Variants in SIGLEC7 observed in about 807,000 individuals in gnomAD.
The protein encoded by SIGLEC7 is sialic acid binding Ig like lectin 7.
Under a neutral mutation model 40.8 loss-of-function variants are expected in SIGLEC7, and 33 were observed. That is an observed-to-expected ratio of 0.81 (90% CI 0.61 to 1.08). SIGLEC7 has a LOEUF of 1.08. SIGLEC7 is among the 50% of genes least tolerant of loss of function. SIGLEC7 has a pLI of 0.00. For missense variants in SIGLEC7, 513 were observed against 576.1 expected (o/e 0.89, Z 1.12); for synonymous variants, 242 against 237.6 (o/e 1.02, Z -0.17).
At chr19:51,147,818 T>A (rs868655759) in intron 6 of SIGLEC7, among the ~76,000 whole-genome samples, 2 of 152,144 alleles carry the variant, frequency 1.3e-5, no homozygotes, top group Middle Eastern at 3.2e-3. Flanking sequence ...GAAAATACTA[T>A]CTGGAAAGGC....
chr19:51,144,026 G>T, intron 1 of SIGLEC7: 1 of 540,000 alleles, frequency 1.9e-6, no homozygotes, highest in Non-Finnish European at 3.6e-6. Context: ...CATCCCAAAT[G>T]GAAAAGTGCA....
intron 6 of SIGLEC7, among the ~76,000 whole-genome samples, chr19:51,151,830 T>C (rs549635661): frequency 4.6e-5 from 7 of 152,100 alleles, no homozygotes; most frequent in Non-Finnish European, 1.0e-4. Context: ...GAATATTAAT[T>C]TGAGTAATCA....
At chr19:51,143,737 A>T in intron 1 of SIGLEC7, 1 of 235,170 alleles carries the variant, frequency 4.3e-6, no homozygotes. Context: ...GAGCCCAGGA[A>T]CCCTCTGTCT....
Position 51,144,603 on chromosome 19 carries a change from C to G in SIGLEC7, c.631C>G (p.His211Asp). 6.2e-7 allele frequency: 1 copy of G among 1,613,976 alleles called. No homozygotes were observed. Residue 211 changes from histidine (H) to aspartate (D), a missense_variant, in exon 2 of 7, where the codon CAC (histidine) becomes GAC (aspartate). Physicochemically the swap from His to Asp is moderately conservative, Grantham distance 81. Coordinates refer to ENST00000317643, the MANE Select transcript of SIGLEC7 (RefSeq NM_014385.4). ...VLTLIPQPQH[H>D]GTSLTCQVTL... ...CACCCTCATCCCACAGCCCCAGCAC[C>G]ACGGCACCAGCCTCACCTGTCAGGT...
chr19:51,147,348 A>C, intron 6 of SIGLEC7, 31 bp downstream of exon 6: 1 of 1,567,508 alleles, frequency 6.4e-7, no homozygotes, highest in South Asian at 1.1e-5. Flanking sequence ...CACACCCAGC[A>C]TCCAGCTGGG....
chr19:51,153,021 T>G lies in SIGLEC7; in HGVS notation c.1222-42T>G, dbSNP rs554481911. On this transcript the variant is annotated intron_variant, in intron 6 of 6. Coordinates refer to ENST00000317643, the MANE Select transcript of SIGLEC7 (RefSeq NM_014385.4). ...TGTGACTCTCCCTGCCTTATCCTAT[T>G]TCCACTGCTCTGCTCTGACTCTCTT... The G allele has an allele frequency of 2.3e-5, 33 of 1,429,970 alleles. No homozygotes were observed. In the South Asian group the frequency reaches 5.3e-4, roughly 23 times the overall value. The allele number at this position is 1,429,970 out of a possible 1,614,324, so 88.6% of individuals were successfully genotyped here.
chr19:51,147,534 C>G (rs146503789), intron 6 of SIGLEC7, among the ~76,000 whole-genome samples: 6 of 152,248 alleles, frequency 3.9e-5, no homozygotes, highest in African/African-American at 1.4e-4. Context: ...GAGGAGTTAT[C>G]TCCTCTCTGT....
intron 1 of SIGLEC7, 144 bp from the exon 2 acceptor site, chr19:51,144,262 C>G (rs273677): frequency 1 from 1,362,956 of 1,363,370 alleles, 681,273 homozygotes; most frequent in Middle Eastern, 1. Flanking sequence ...GCAGCGAAAG[C>G]CTGGGATGGG....
Position 51,142,870 on chromosome 19 carries a change from G to A in SIGLEC7, c.433+68G>A. On this transcript the variant is annotated intron_variant, in intron 1 of 6. Transcript: ENST00000317643. The surrounding 1 kb of genome is among the most constrained non-coding windows in gnomAD (Gnocchi z 5.0). ...AGGGCTTTAGGGCACGGCTGAGACG[G>A]GACACATGTCCTGGGAGGGGGCCGG... is the stretch of plus-strand genomic sequence containing the variant. The A allele has an allele frequency of 6.8e-7, 1 of 1,477,020 alleles. No individual in the cohort carries two copies. 91.5% of individuals were successfully genotyped at this position (1,477,020 alleles called of 1,614,324 possible).
chr19:51,143,763 C>T (rs2092086868), intron 1 of SIGLEC7: 2 of 261,656 alleles, frequency 7.6e-6, no homozygotes, highest in Non-Finnish European at 1.5e-5. Context: ...ATGCTGCTGC[C>T]TCTCTTGTGG....
rs1235577053 is a variant in SIGLEC7, at chr19:51,142,318, A to G, written c.-52A>G. On this transcript the variant is annotated 5_prime_UTR_variant, in exon 1 of 7. Coordinates refer to ENST00000317643, the MANE Select transcript of SIGLEC7 (RefSeq NM_014385.4). The surrounding 1 kb of genome is among the most constrained non-coding windows in gnomAD (Gnocchi z 5.0). ...TTGAGCCCGCAGTTCCTGAGAGAAG[A>G]ACCCTGAGGAACAGACGTTCCCTCG... The G allele has an allele frequency of 3.8e-6, 6 of 1,582,096 alleles. No homozygotes were observed. Among genetic ancestry groups the G allele is most frequent in the African/African-American group, 2.7e-5 (2 of 74,534 alleles).
chr19:51,145,648 T>C lies in SIGLEC7; in HGVS notation c.761-207T>C, dbSNP rs1240094430. On this transcript the variant is annotated intron_variant, in intron 3 of 6. Transcript: ENST00000317643. This position sits in a 1 kb window ranked among gnomAD's most constrained non-coding sequence, Gnocchi z 4.3. ...CTAAAAGCACATTTTACCAGTGTCA[T>C]ATGTTCTTTCTGATTTTGAAAGATA... Among the ~76,000 whole-genome samples, 1 of 152,240 alleles carries C rather than the reference T, an allele frequency of 6.6e-6. No homozygotes were observed. Among genetic ancestry groups the C allele is most frequent in the African/African-American group, 2.4e-5 (1 of 41,462 alleles).
At chr19:51,146,247 C>T (rs1026125239) in intron 4 of SIGLEC7, 126 bp downstream of exon 4, 6 of 1,285,780 alleles carry the variant, frequency 4.7e-6, no homozygotes, top group Non-Finnish European at 6.5e-6. Context: ...CTGGAACTTC[C>T]CTGCAACCCA....
intron 2 of SIGLEC7, 42 bp downstream of exon 2, chr19:51,144,726 G>C (rs1405418040): frequency 1.2e-6 from 2 of 1,600,498 alleles, no homozygotes; most frequent in African/African-American, 2.7e-5. Flanking sequence ...GATGAGGGGG[G>C]GACGTCCCTG....
chr19:51,152,527 GC>G (rs36055071), intron 6 of SIGLEC7, among the ~76,000 whole-genome samples: 1 of 152,124 alleles, frequency 6.6e-6, no homozygotes, highest in East Asian at 1.9e-4. Context: ...CCAAATCAAG[GC>G]CCTGTAATTC....
At chr19:51,148,602 G>C (rs2092124247) in intron 6 of SIGLEC7, among the ~76,000 whole-genome samples, 1 of 152,104 alleles carries the variant, frequency 6.6e-6, no homozygotes, top group Non-Finnish European at 1.5e-5. Flanking sequence ...TGGGCATTTA[G>C]GTTAATTTCA....
rs1203067472 is a variant in SIGLEC7 at position 51,146,001 on chromosome 19, C to T, written c.907C>T (p.Pro303Ser). 3 of 1,614,206 alleles carry T rather than the reference C, an allele frequency of 1.9e-6. No individual in the cohort carries two copies. The highest frequency in any genetic ancestry group is 1.3e-5 in the African/African-American group (1 of 75,032). The change falls in exon 4 of 7, where the codon CCT becomes TCT. Residue 303 changes from proline to serine, a missense_variant. Physicochemically the swap from Pro to Ser is moderately conservative, Grantham distance 74 (BLOSUM62 -1). Coordinates refer to ENST00000317643, the MANE Select transcript of SIGLEC7 (RefSeq NM_014385.4). ...LTLYPSQPSN[P>S]LVLELQVHLG... ...CCTGTACCCCTCACAGCCCTCAAAC[C>T]CTCTGGTACTGGAGCTGCAAGTGCA...
In SIGLEC7 at chr19:51,146,000, C is replaced by T. The variant is rs201813410; in HGVS notation, c.906C>T (p.Asn302=). Residue 302 remains asparagine (N), a synonymous_variant, in exon 4 of 7, where the codon AAC becomes AAT. Transcript: ENST00000317643. This position sits in a 1 kb window ranked among gnomAD's most constrained non-coding sequence, Gnocchi z 4.3. ...CCCTGTACCCCTCACAGCCCTCAAACCCTCTGGTACTGGAGCTGCAAGTGC... is the reference window on the plus strand; with the variant it reads ...CCCTGTACCCCTCACAGCCCTCAAATCCTCTGGTACTGGAGCTGCAAGTGC... ...SLTLYPSQPS[N]PLVLELQVHL... The T allele has an allele frequency of 1.1e-4, 182 of 1,614,222 alleles. No homozygotes were observed. In the Admixed American group the frequency reaches 2.4e-3, roughly 21 times the overall value.
At position 51,147,267 on chromosome 19, in the gene SIGLEC7, G is replaced by C; in HGVS notation, c.1171G>C (p.Gly391Arg). 6.2e-7 allele frequency: 1 copy of C among 1,612,676 alleles called. No individual in the cohort carries two copies. The highest frequency in any genetic ancestry group is 8.5e-7 in the Non-Finnish European group (1 of 1,179,118). Residue 391 changes from glycine (G) to arginine (R), a missense_variant, in exon 6 of 7, where the codon GGA becomes CGA. Gly to Arg is a moderately radical substitution (Grantham distance 125). Transcript: ENST00000317643. ...ATCGGCAAGGCCAGCAGCGGACGTG[G>C]GAGACATAGGCATGAAGGATGCAAA... ...KKSARPAADV[G>R]DIGMKDANTI...
Sources: gnomAD v4.1 joint callset for allele counts (sites outside exome capture counted in the v4.1 genomes callset) on GRCh38, gnomAD v4.1.1 for gene constraint, Gnocchi (gnomAD v3.1) non-coding constraint, MANE v1.5 for transcripts, NCBI Gene and HGNC (gene_info 2026-07-23, HGNC 2026-07-21) for gene names.